The following SOX6 variants were observed in gnomAD, a reference collection of about 807,000 sequenced individuals.
The protein encoded by SOX6 is SRY-box transcription factor 6, also known as transcription factor SOX-6.
SOX6 carries 11 observed loss-of-function variants against 97.8 expected under a neutral mutation model. The observed-to-expected ratio is 0.11, with a 90% CI of 0.07 to 0.19. The LOEUF is 0.19. Among genes scored for constraint, SOX6 ranks in the 10% least tolerant of loss-of-function variants. The pLI is 1.00. For synonymous variants in SOX6, 360 were observed against 371.4 expected, an observed-to-expected ratio of 0.97 and a Z score of 0.35; for missense variants, 810 against 1,039.5, an observed-to-expected ratio of 0.78 and a Z score of 3.04.
At chr11:16,210,680 C>T (rs1439834637) in intron 4 of SOX6, among the ~76,000 whole-genome samples, 1 of 152,224 alleles carries the variant, frequency 6.6e-6, no homozygotes, top group Non-Finnish European at 1.5e-5. Flanking sequence ...CTACTCCAAA[C>T]AGCCTTCTCT....
chr11:16,186,639 G>A (rs1174964716), intron 5 of SOX6, 144 bp downstream of exon 5: 28 of 1,076,060 alleles, frequency 2.6e-5, no homozygotes, highest in Non-Finnish European at 2.9e-5. Flanking sequence ...TTTCCAGAAG[G>A]CTTTGTTTTT....
Position 15,985,033 on chromosome 11 carries a change from G to A in SOX6, c.2183+1171C>T, listed in dbSNP as rs573582423. On this transcript the variant is annotated intron_variant, in intron 15 of 15. Transcript: ENST00000683767. ...CTTGCCCAGGTAGGTGGCACAGTCA[G>A]TATGTGAACCCCAGAAGTCAAACTC... Among the ~76,000 whole-genome samples the A allele has an allele frequency of 1.6e-4, 24 of 152,282 alleles. 1 individual carries two copies. In the South Asian group the frequency reaches 4.8e-3, roughly 30 times the overall value.
intron 1 of SOX6, among the ~76,000 whole-genome samples, chr11:16,428,908 A>G (rs1859212938): frequency 6.6e-6 from 1 of 152,144 alleles, no homozygotes; most frequent in African/African-American, 2.4e-5. Context: ...TCTATAAATT[A>G]CCTTGGGCGG....
chr11:16,162,601 G>A lies in SOX6; in HGVS notation c.777+21285C>T, dbSNP rs527405427. Among the ~76,000 whole-genome samples the A allele has an allele frequency of 5.9e-5, 9 of 152,176 alleles. No individual in the cohort carries two copies. The South Asian group carries it at 6.2e-4, about 11-fold the overall frequency. ...GTTGCCAGCTCCACCTTTGACTTCCGTCATGATTGTAAGTTTCCTGAGGCT... is the reference window on the plus strand; with the variant it reads ...GTTGCCAGCTCCACCTTTGACTTCCATCATGATTGTAAGTTTCCTGAGGCT... On this transcript the variant is annotated intron_variant, in intron 6 of 15. Coordinates refer to ENST00000683767, the MANE Select transcript of SOX6 (RefSeq NM_001367873.1).
At chr11:16,123,185 A>C (rs1849533978) in intron 6 of SOX6, among the ~76,000 whole-genome samples, 1 of 152,070 alleles carries the variant, frequency 6.6e-6, no homozygotes, top group African/African-American at 2.4e-5. Context: ...CAAAGAGCCA[A>C]GAATACAGTT....
At chr11:16,332,230 C>T (rs1374800777) in intron 2 of SOX6, among the ~76,000 whole-genome samples, 2 of 152,086 alleles carry the variant, frequency 1.3e-5, no homozygotes, top group Non-Finnish European at 1.5e-5. Context: ...TTTCTGAATT[C>T]GTTCATGGAT....
intron 1 of SOX6, among the ~76,000 whole-genome samples, chr11:16,390,268 G>A (rs997732074): frequency 6.6e-5 from 10 of 150,842 alleles, no homozygotes; most frequent in Admixed American, 6.6e-4. Context: ...AAAAAATGCT[G>A]CTTTTTTTGC....
chr11:16,042,472 A>T (rs1034564751), intron 12 of SOX6, among the ~76,000 whole-genome samples: 4 of 152,172 alleles, frequency 2.6e-5, no homozygotes, highest in Admixed American at 6.6e-5. Context: ...ATTTCATCAA[A>T]GCTTTGAGAT....
chr11:16,199,730 T>G (rs1400861945), intron 4 of SOX6, among the ~76,000 whole-genome samples: 1 of 152,200 alleles, frequency 6.6e-6, no homozygotes, highest in Non-Finnish European at 1.5e-5. Flanking sequence ...AAAAGAAGTC[T>G]GATGGCTCAG....
chr11:16,266,475 A>C (rs1380868537), intron 3 of SOX6, among the ~76,000 whole-genome samples: 1 of 151,688 alleles, frequency 6.6e-6, no homozygotes, highest in Non-Finnish European at 1.5e-5. Flanking sequence ...CTGTATCTAC[A>C]AAAAGGAATT....
At chr11:16,285,359 C>G (rs1252286909) in intron 3 of SOX6, among the ~76,000 whole-genome samples, 1 of 151,964 alleles carries the variant, frequency 6.6e-6, no homozygotes, top group Non-Finnish European at 1.5e-5. Context: ...ATGAAGAAAC[C>G]CTGTCTCTAC....
At chr11:16,351,598 A>G (rs758644740) in intron 1 of SOX6, among the ~76,000 whole-genome samples, 1 of 151,964 alleles carries the variant, frequency 6.6e-6, no homozygotes, top group African/African-American at 2.4e-5. Context: ...TCCAGATACA[A>G]CCAATCTTTA....
intron 6 of SOX6, among the ~76,000 whole-genome samples, chr11:16,156,624 A>T (rs898664557): frequency 3.3e-5 from 5 of 151,824 alleles, no homozygotes; most frequent in Admixed American, 3.3e-4. Context: ...CCACCAATAC[A>T]TCTCTGACTT....
intron 3 of SOX6, among the ~76,000 whole-genome samples, chr11:16,305,152 A>C (rs1012224196): frequency 5.3e-5 from 8 of 152,194 alleles, no homozygotes; most frequent in Admixed American, 2.0e-4. Flanking sequence ...GGGAGAAAAT[A>C]TTTCCAAACC....
At chr11:16,063,634 T>C (rs1171899952) in intron 9 of SOX6, among the ~76,000 whole-genome samples, 2 of 145,380 alleles carry the variant, frequency 1.4e-5, no homozygotes, top group Non-Finnish European at 3.0e-5. Context: ...TTTCTCATTA[T>C]AAACATATGA....
intron 4 of SOX6, among the ~76,000 whole-genome samples, chr11:16,494,197 T>A (rs1461249335): frequency 6.6e-6 from 1 of 151,816 alleles, no homozygotes; most frequent in Non-Finnish European, 1.5e-5. Context: ...GCCAACATGG[T>A]GAAACCCCAT....
chr11:16,197,832 GATT>G (rs1347997137), intron 4 of SOX6, among the ~76,000 whole-genome samples: 1 of 152,140 alleles, frequency 6.6e-6, no homozygotes, highest in Non-Finnish European at 1.5e-5. Flanking sequence ...CCTGTCACAG[GATT>G]ATTTTGAACA....
intron 13 of SOX6, among the ~76,000 whole-genome samples, chr11:15,990,124 C>T (rs1367799524): frequency 6.6e-6 from 1 of 151,910 alleles, no homozygotes; most frequent in Non-Finnish European, 1.5e-5. Flanking sequence ...AGGAGACATG[C>T]CCCATAGTAA....
At chr11:16,578,317 A>C (rs932578658) in intron 4 of SOX6, among the ~76,000 whole-genome samples, 1 of 152,216 alleles carries the variant, frequency 6.6e-6, no homozygotes, top group Non-Finnish European at 1.5e-5. Flanking sequence ...TTTCAGAATC[A>C]CTATATTAAT....
Sources: gnomAD v4.1 joint callset for allele counts (sites outside exome capture counted in the v4.1 genomes callset) on GRCh38, gnomAD v4.1.1 for gene constraint, MANE v1.5 for transcripts, NCBI Gene and HGNC (gene_info 2026-07-23, HGNC 2026-07-21) for gene names.